The following TBCA variants were observed in gnomAD, a reference collection of about 807,000 sequenced individuals.
TBCA encodes the protein tubulin-specific chaperone A.
TBCA carries 6 observed loss-of-function variants against 15.8 expected under a neutral mutation model. The ratio of observed to expected loss-of-function variants is 0.38; its 90% confidence interval spans 0.21 to 0.75. The LOEUF (loss-of-function observed/expected upper bound fraction) is 0.75, where lower values mean the gene tolerates loss of function less well. Among genes scored for constraint, TBCA ranks in the 30% least tolerant of loss-of-function variants. The pLI is 0.46. For synonymous variants in TBCA, 32 were observed against 42.3 expected (o/e 0.76, Z 0.94); for missense variants, 90 against 131.2 (o/e 0.69, Z 1.53).
At position 77,720,521 on chromosome 5, in the gene TBCA, T is replaced by C. The variant is rs373901669; in HGVS notation, c.54-12174A>G. ...CTGAGGTCAGGAGTTCAAGACCAGC[T>C]TGGCCAACATGGTGAAACCTTGTCT... On this transcript the variant is annotated intron_variant, in intron 1 of 3. Transcript: ENST00000380377. 1.5e-3 allele frequency among the ~76,000 whole-genome samples: 235 copies of C among 151,910 alleles called. 4 individuals carry two copies. The South Asian group carries it at 0.031, about 20-fold the overall frequency.
chr5:77,721,279 A>C (rs1205713205), intron 1 of TBCA, among the ~76,000 whole-genome samples: 2 of 152,188 alleles, frequency 1.3e-5, no homozygotes, highest in Non-Finnish European at 2.9e-5. Flanking sequence ...TTGGGTTCAG[A>C]GAACTCATGG....
In TBCA at chr5:77,752,353, A is replaced by G. The variant is rs140871488; in HGVS notation, c.53+23852T>C. Among the ~76,000 whole-genome samples, 412 of 152,166 alleles carry G rather than the reference A, an allele frequency of 2.7e-3. 2 individuals carry two copies. Among genetic ancestry groups the G allele is most frequent in the African/African-American group, 9.4e-3 (391 of 41,526 alleles). On this transcript the variant is annotated intron_variant, in intron 1 of 3. Coordinates refer to ENST00000380377, the MANE Select transcript of TBCA (RefSeq NM_004607.3). ...TTTTTATCCATTTAGGTTTATCTGTATAATTTTTTCCTTCCTTCCTTCCGA... is the reference window on the plus strand; with the variant it reads ...TTTTTATCCATTTAGGTTTATCTGTGTAATTTTTTCCTTCCTTCCTTCCGA...
chr5:77,750,454 C>CTA (rs1747297022), intron 1 of TBCA, among the ~76,000 whole-genome samples: 1 of 152,022 alleles, frequency 6.6e-6, no homozygotes, highest in East Asian at 1.9e-4. Flanking sequence ...ATGTACAATA[C>CTA]TATGGTGTCT....
chr5:77,742,112 A>G (rs1747050260), intron 1 of TBCA, among the ~76,000 whole-genome samples: 1 of 152,162 alleles, frequency 6.6e-6, no homozygotes, highest in Non-Finnish European at 1.5e-5. Flanking sequence ...CTTTATCCAC[A>G]ATGCTTGCGA....
chr5:77,752,500 A>T (rs1483573551), intron 1 of TBCA, among the ~76,000 whole-genome samples: 2 of 152,150 alleles, frequency 1.3e-5, no homozygotes, highest in African/African-American at 4.8e-5. Flanking sequence ...AGTAGCTGGG[A>T]TTACAGGCAC....
chr5:77,730,577 G>C, intron 1 of TBCA, among the ~76,000 whole-genome samples: 1 of 76,392 alleles, frequency 1.3e-5, no homozygotes, highest in Non-Finnish European at 4.0e-5. Flanking sequence ...TTTTTTTTTA[G>C]AAATACATGG....
At chr5:77,775,713 T>C (rs1439553524) in intron 1 of TBCA, among the ~76,000 whole-genome samples, 1 of 152,140 alleles carries the variant, frequency 6.6e-6, no homozygotes, top group Admixed American at 6.5e-5. Context: ...CCAGCCATGT[T>C]AGGTCACACG....
rs369855558 is a variant in TBCA, at chr5:77,739,918, TTC to T, written c.54-31573_54-31572del. On this transcript the variant is annotated intron_variant, in intron 1 of 3. Coordinates refer to ENST00000380377, the MANE Select transcript of TBCA (RefSeq NM_004607.3). ...AAATAAATATATTTTGGGGATGATA[TTC>T]TGTTTGCTAAAAGACAGCCAAATTA... Among the ~76,000 whole-genome samples, 334 of 152,322 alleles carry T rather than the reference TTC, an allele frequency of 2.2e-3. 1 individual carries two copies. Among genetic ancestry groups the T allele is most frequent in the African/African-American group, 7.7e-3 (319 of 41,574 alleles).
At chr5:77,739,724 ATCT>A (rs2112478709) in intron 1 of TBCA, among the ~76,000 whole-genome samples, 1 of 152,326 alleles carries the variant, frequency 6.6e-6, no homozygotes, top group Admixed American at 6.5e-5. Context: ...CTCATCTTAT[ATCT>A]TCTTCTTTTG....
intron 1 of TBCA, among the ~76,000 whole-genome samples, chr5:77,714,539 T>C (rs1264092496): frequency 1.3e-5 from 2 of 151,524 alleles, no homozygotes; most frequent in Non-Finnish European, 2.9e-5. Context: ...AGAAAATTCA[T>C]TAACTGACTT....
intron 3 of TBCA, chr5:77,691,951 A>G (rs1745760530): frequency 5.1e-6 from 5 of 986,944 alleles, no homozygotes; most frequent in Non-Finnish European, 6.0e-6. Context: ...AGAGTTAAAT[A>G]TAATCTTTGA....
At chr5:77,698,731 G>A (rs923649718) in intron 2 of TBCA, among the ~76,000 whole-genome samples, 2 of 151,932 alleles carry the variant, frequency 1.3e-5, no homozygotes, top group Non-Finnish European at 2.9e-5. Flanking sequence ...CACAAAAAAC[G>A]AAAACTGCTT....
chr5:77,736,397 C>T (rs1746908000), intron 1 of TBCA, among the ~76,000 whole-genome samples: 3 of 151,712 alleles, frequency 2.0e-5, no homozygotes, highest in Non-Finnish European at 4.4e-5. Context: ...GAAACAACTG[C>T]TCTCTTTTCT....
Position 77,752,492 on chromosome 5 carries a change from T to C in TBCA, c.53+23713A>G, listed in dbSNP as rs187607641. 3.3e-3 allele frequency among the ~76,000 whole-genome samples: 498 copies of C among 152,246 alleles called. 6 individuals carry two copies. Among genetic ancestry groups the C allele is most frequent in the African/African-American group, 0.012 (480 of 41,520 alleles). On this transcript the variant is annotated intron_variant, in intron 1 of 3. Coordinates refer to ENST00000380377, the MANE Select transcript of TBCA (RefSeq NM_004607.3). ...GATCCTACTGCCTCAGCCTCCAAAG[T>C]AGCTGGGATTACAGGCACATGCCAC...
intron 1 of TBCA, among the ~76,000 whole-genome samples, chr5:77,711,365 G>A (rs1746274706): frequency 6.6e-6 from 1 of 152,130 alleles, no homozygotes; most frequent in Non-Finnish European, 1.5e-5. Flanking sequence ...TGACTTGAAA[G>A]ACTTCCACTT....
chr5:77,737,648 TG>T, intron 1 of TBCA, among the ~76,000 whole-genome samples: 1 of 152,198 alleles, frequency 6.6e-6, no homozygotes, highest in East Asian at 1.9e-4. Flanking sequence ...GCTCAAAAAA[TG>T]GAAAGGAAGA....
chr5:77,692,111 T>G (rs889055741), intron 3 of TBCA: 5 of 982,736 alleles, frequency 5.1e-6, no homozygotes, highest in Middle Eastern at 5.2e-4. Context: ...ATTGTAATGA[T>G]AACAGACAAA....
intron 1 of TBCA, among the ~76,000 whole-genome samples, chr5:77,774,836 G>A (rs755565160): frequency 1.3e-5 from 2 of 152,060 alleles, no homozygotes; most frequent in African/African-American, 2.4e-5. Context: ...GCAAATTACA[G>A]GACTGCACTA....
chr5:77,732,926 T>C (rs1001267342), intron 1 of TBCA, among the ~76,000 whole-genome samples: 4 of 152,164 alleles, frequency 2.6e-5, no homozygotes, highest in African/African-American at 7.2e-5. Context: ...AATAACTCTA[T>C]AATGGCCTCT....
Sources: allele counts gnomAD v4.1 joint callset (sites outside exome capture counted in the v4.1 genomes callset), GRCh38; gene constraint gnomAD v4.1.1; transcripts MANE v1.5; gene names NCBI Gene and HGNC (gene_info 2026-07-23, HGNC 2026-07-21).